FRMD6: variants seen among roughly 807,000 people sequenced by gnomAD.
FRMD6 encodes the protein FERM domain-containing protein 6.
FRMD6 carries 37 observed loss-of-function variants against 73.2 expected under a neutral mutation model. The observed-to-expected ratio is 0.51, with a 90% CI of 0.39 to 0.66. FRMD6 has a LOEUF of 0.66. Among genes scored for constraint, FRMD6 ranks in the 30% least tolerant of loss-of-function variants. The pLI is 0.00. For synonymous variants in FRMD6, 273 were observed against 282.2 expected, an observed-to-expected ratio of 0.97 and a Z score of 0.33; for missense variants, 714 against 780.5, an observed-to-expected ratio of 0.91 and a Z score of 1.02.
intron 2 of FRMD6, among the ~76,000 whole-genome samples, chr14:51,612,281 T>C (rs1004634808): frequency 8.5e-5 from 13 of 152,196 alleles, no homozygotes; most frequent in Non-Finnish European, 1.6e-4. Context: ...TAGCTAGTAA[T>C]TCACAGAGCA....
chr14:51,721,267 G>T (rs58705998), intron 11 of FRMD6, among the ~76,000 whole-genome samples: 43,337 of 152,006 alleles, frequency 0.29, 6,626 homozygotes, highest in African/African-American at 0.39. Flanking sequence ...ACAGAATAAT[G>T]GGCAAATTAT....
the FRMD6 span, among the ~76,000 whole-genome samples, chr14:51,476,625 AAAG>A: frequency 2.6e-5 from 4 of 152,222 alleles, no homozygotes. Flanking sequence ...GGACCTATAA[AAAG>A]AATACTGCAA....
intron 1 of FRMD6, among the ~76,000 whole-genome samples, chr14:51,496,680 G>A (rs1385634111): frequency 6.6e-6 from 1 of 152,174 alleles, no homozygotes; most frequent in Non-Finnish European, 1.5e-5. Context: ...AGAGATGTGG[G>A]AATAAACTCT....
the FRMD6 span, among the ~76,000 whole-genome samples, chr14:51,419,073 G>A: frequency 6.6e-6 from 1 of 152,190 alleles, no homozygotes; most frequent in Non-Finnish European, 1.5e-5. Context: ...GTTTTTCCAG[G>A]TACCATCTCT....
At chr14:51,428,443 T>C in the FRMD6 span, among the ~76,000 whole-genome samples, 10 of 152,278 alleles carry the variant, frequency 6.6e-5, no homozygotes, top group East Asian at 1.9e-3. Context: ...ATATGCTGCG[T>C]ATATGGAGCA....
chr14:51,687,181 T>C (rs1895223198), intron 1 of FRMD6, among the ~76,000 whole-genome samples: 1 of 152,158 alleles, frequency 6.6e-6, no homozygotes, highest in African/African-American at 2.4e-5. Flanking sequence ...ATCCCACAGC[T>C]CAGAAGATAT....
the FRMD6 span, among the ~76,000 whole-genome samples, chr14:51,402,647 T>C: frequency 2.0e-5 from 3 of 151,034 alleles, no homozygotes; most frequent in South Asian, 4.2e-4. Context: ...TTTTCTTTTT[T>C]TTTTTTTTTG....
rs993615592 is a variant in FRMD6, at chr14:51,540,090, GT to G, written c.-209-30250del. ...ATATCAGTGGCAATAGTTAGAACGT[GT>G]TTTTTTTCTTAATTGAAATTCTAGT... On this transcript the variant is annotated intron_variant, in intron 1 of 14. Transcript: ENST00000356218. Among the ~76,000 whole-genome samples, 26 of 152,020 alleles carry G rather than the reference GT, an allele frequency of 1.7e-4. No individual in the cohort carries two copies. The East Asian group carries it at 2.9e-3, about 17-fold the overall frequency.
the FRMD6 span, among the ~76,000 whole-genome samples, chr14:51,459,170 A>T: frequency 6.6e-6 from 1 of 152,200 alleles, no homozygotes; most frequent in Non-Finnish European, 1.5e-5. Flanking sequence ...TGTTCTCTGT[A>T]GCAACAAAGC....
the FRMD6 span, among the ~76,000 whole-genome samples, chr14:51,470,484 A>G: frequency 6.6e-6 from 1 of 151,898 alleles, no homozygotes; most frequent in African/African-American, 2.4e-5. Context: ...TGGGCAACAG[A>G]GCGAGACTCC....
chr14:51,485,607 C>T (rs183196980), upstream of FRMD6, among the ~76,000 whole-genome samples: 467 of 152,304 alleles, frequency 3.1e-3, 3 homozygotes, highest in Middle Eastern at 0.027. Context: ...CACTCCCTAA[C>T]TCAATCCAAA....
the FRMD6 span, among the ~76,000 whole-genome samples, chr14:51,460,284 T>G: frequency 6.6e-6 from 1 of 152,198 alleles, no homozygotes; most frequent in South Asian, 2.1e-4. Context: ...TGGGGGAACT[T>G]GACCTTGTCT....
the FRMD6 span, among the ~76,000 whole-genome samples, chr14:51,422,909 G>A: frequency 2.0e-5 from 3 of 152,192 alleles, no homozygotes; most frequent in African/African-American, 7.2e-5. Context: ...ATGGTCACAT[G>A]GTTTGCCTTG....
chr14:51,408,928 G>A, the FRMD6 span, among the ~76,000 whole-genome samples: 14 of 152,070 alleles, frequency 9.2e-5, no homozygotes, highest in South Asian at 8.3e-4. Context: ...TACAAACTTC[G>A]AACACTTTAA....
intron 2 of FRMD6, among the ~76,000 whole-genome samples, chr14:51,639,996 A>G (rs1183094003): frequency 1.3e-5 from 2 of 152,232 alleles, no homozygotes; most frequent in Non-Finnish European, 2.9e-5. Flanking sequence ...AGGTTGATGT[A>G]GAAGCTTCTG....
At chr14:51,574,292 A>G in intron 2 of FRMD6, among the ~76,000 whole-genome samples, 1 of 152,184 alleles carries the variant, frequency 6.6e-6, no homozygotes, top group East Asian at 1.9e-4. Context: ...TTACTGGACC[A>G]TGGTTTTCCA....
At chr14:51,712,196 C>G (rs927432166) in intron 8 of FRMD6, among the ~76,000 whole-genome samples, 2 of 152,182 alleles carry the variant, frequency 1.3e-5, no homozygotes, top group Admixed American at 6.5e-5. Context: ...CGCCTTATTG[C>G]ATCTCTTGAA....
chr14:51,719,999 A>G (rs1279693744), intron 10 of FRMD6, 56 bp from the exon 11 acceptor site: 1 of 1,385,994 alleles, frequency 7.2e-7, no homozygotes, highest in Non-Finnish European at 1.0e-6. Flanking sequence ...GAGTCACTTA[A>G]GCTCACCAGC....
In FRMD6 at chr14:51,729,726, A is replaced by C. The variant is rs1329520977; in HGVS notation, c.*1697A>C. 1 of 152,678 alleles carries C rather than the reference A, an allele frequency of 6.5e-6. No homozygotes were observed. The highest frequency in any genetic ancestry group is 1.5e-5 in the Non-Finnish European group (1 of 68,042). The allele number at this position is 152,678 out of a possible 1,614,324, so 9.5% of individuals were successfully genotyped here. ...CCCTGGCTGGGAGTCAGTATTATAC[A>C]ACAAATGGTGAGCTGGAACATGCCC... On this transcript the variant is annotated 3_prime_UTR_variant, in exon 14 of 14. Coordinates refer to ENST00000344768, the MANE Select transcript of FRMD6 (RefSeq NM_001267046.2).
Sources: gnomAD v4.1 joint callset for allele counts (sites outside exome capture counted in the v4.1 genomes callset) on GRCh38, gnomAD v4.1.1 for gene constraint, MANE v1.5 for transcripts, NCBI Gene and HGNC (gene_info 2026-07-23, HGNC 2026-07-21) for gene names.